ATP9A: variants seen among roughly 807,000 people sequenced by gnomAD.
ATP9A encodes the protein probable phospholipid-transporting ATPase IIA.
A neutral mutation model predicts 144.1 loss-of-function variants in ATP9A; 52 were observed. The ratio of observed to expected loss-of-function variants is 0.36; its 90% CI spans 0.29 to 0.45. ATP9A has a LOEUF of 0.45. Ranked by LOEUF, ATP9A falls within the 20% of genes least tolerant of loss-of-function variation. The pLI, the probability that ATP9A is intolerant of heterozygous loss-of-function variation, is 1.00. For synonymous variants in ATP9A, 582 were observed against 557.4 expected (o/e 1.04, Z -0.62); for missense variants, 947 against 1,392.7 (o/e 0.68, Z 5.09).
chr20:51,614,892 G>A (rs1188680486), intron 22 of ATP9A, among the ~76,000 whole-genome samples: 13 of 152,078 alleles, frequency 8.5e-5, no homozygotes, highest in Admixed American at 7.2e-4. Flanking sequence ...TCAGAAACAT[G>A]AGGACATGCT....
At chr20:51,690,293 G>A (rs1465492299) in intron 8 of ATP9A, among the ~76,000 whole-genome samples, 4 of 151,672 alleles carry the variant, frequency 2.6e-5, no homozygotes, top group South Asian at 2.1e-4. Context: ...AGTGGCGGGC[G>A]CCTGTAATCC....
chr20:51,697,098 A>G (rs2077573618), intron 5 of ATP9A, among the ~76,000 whole-genome samples: 1 of 152,236 alleles, frequency 6.6e-6, no homozygotes, highest in African/African-American at 2.4e-5. Flanking sequence ...CTATGTAGTA[A>G]GCAGACTTCT....
At chr20:51,679,116 G>A (rs1281454454) in intron 9 of ATP9A, among the ~76,000 whole-genome samples, 1 of 152,084 alleles carries the variant, frequency 6.6e-6, no homozygotes. Flanking sequence ...CTGAGGTCAG[G>A]AGTTTGAGAC....
intron 1 of ATP9A, among the ~76,000 whole-genome samples, chr20:51,730,523 TAC>T (rs1173465336): frequency 6.6e-6 from 1 of 152,212 alleles, no homozygotes; most frequent in Admixed American, 6.5e-5. Flanking sequence ...CCAAATTATT[TAC>T]AGTCTTGCAT....
chr20:51,650,166 T>C (rs773934536), intron 14 of ATP9A, among the ~76,000 whole-genome samples: 12 of 152,328 alleles, frequency 7.9e-5, no homozygotes, highest in Middle Eastern at 3.4e-3. Flanking sequence ...CCTGGCACAT[T>C]TGTAAAAACT....
chr20:51,665,010 G>A (rs111554304), intron 13 of ATP9A, among the ~76,000 whole-genome samples: 35,879 of 151,796 alleles, frequency 0.24, 5,010 homozygotes, highest in East Asian at 0.48. Flanking sequence ...GATTACAGGC[G>A]TGAGCCACCA....
At chr20:51,697,606 G>A in intron 4 of ATP9A, 124 bp from the exon 5 acceptor site, 1 of 792,006 alleles carries the variant, frequency 1.3e-6, no homozygotes, top group Non-Finnish European at 2.1e-6. Flanking sequence ...ACACACAGCT[G>A]CCAGTGACTC....
chr20:51,708,242 C>T (rs989598039), intron 4 of ATP9A, among the ~76,000 whole-genome samples: 3 of 148,852 alleles, frequency 2.0e-5, no homozygotes, highest in Admixed American at 6.7e-5. Flanking sequence ...CACTTGAGCT[C>T]GGGAGTTCAA....
At chr20:51,762,685 G>A (rs1165454334) in intron 1 of ATP9A, among the ~76,000 whole-genome samples, 1 of 146,876 alleles carries the variant, frequency 6.8e-6, no homozygotes, top group Non-Finnish European at 1.5e-5. Flanking sequence ...AAAGATTTAA[G>A]GTGATATATC....
At chr20:51,666,465 G>A (rs945807364) in intron 13 of ATP9A, among the ~76,000 whole-genome samples, 34 of 152,118 alleles carry the variant, frequency 2.2e-4, no homozygotes, top group African/African-American at 8.2e-4. Flanking sequence ...CAGATCACCT[G>A]AGGTCAGGAG....
chr20:51,766,853 A>C (rs563744161), intron 1 of ATP9A, among the ~76,000 whole-genome samples: 5 of 152,106 alleles, frequency 3.3e-5, no homozygotes, highest in South Asian at 4.2e-4. Flanking sequence ...AATAATAATA[A>C]TACTAATAAT....
At chr20:51,703,145 G>C (rs754295825) in intron 4 of ATP9A, among the ~76,000 whole-genome samples, 3 of 152,022 alleles carry the variant, frequency 2.0e-5, no homozygotes, top group African/African-American at 4.8e-5. Context: ...CTAACCACCT[G>C]ATCTTAATAC....
chr20:51,625,382 G>A lies in ATP9A; in HGVS notation c.1846-20C>T, dbSNP rs1354049137. 26 of 1,606,326 alleles carry A rather than the reference G, an allele frequency of 1.6e-5. No homozygotes were observed. The highest frequency in any genetic ancestry group is 2.1e-5 in the Non-Finnish European group (25 of 1,175,282). On this transcript the variant is annotated intron_variant, in intron 17 of 27. Coordinates refer to ENST00000338821, the MANE Select transcript of ATP9A (RefSeq NM_006045.3). ...GCGGGCCTGGGACACACCAGCAGAT[G>A]CAGTCACTGCTTAGGGTGAGGAGAG...
At chr20:51,746,486 G>T (rs934365407) in intron 1 of ATP9A, among the ~76,000 whole-genome samples, 1 of 151,456 alleles carries the variant, frequency 6.6e-6, no homozygotes, top group African/African-American at 2.4e-5. Context: ...ATCACCTGAG[G>T]TCAGGAGTTC....
intron 12 of ATP9A, 98 bp from the exon 13 acceptor site, chr20:51,670,207 G>T: frequency 1.1e-6 from 1 of 889,968 alleles, no homozygotes; most frequent in Non-Finnish European, 1.8e-6. Context: ...TTTGCCCTAT[G>T]TCACACACTG....
intron 22 of ATP9A, among the ~76,000 whole-genome samples, chr20:51,617,035 G>A (rs1170499076): frequency 2.7e-5 from 4 of 149,966 alleles, no homozygotes; most frequent in East Asian, 2.0e-4. Context: ...TCTGCCTCCC[G>A]GGTTCAGGCG....
chr20:51,643,631 T>G (rs534547766), intron 14 of ATP9A, among the ~76,000 whole-genome samples: 13 of 152,276 alleles, frequency 8.5e-5, no homozygotes, highest in African/African-American at 2.6e-4. Flanking sequence ...TCTGCCAGTA[T>G]GCTGACACAG....
At chr20:51,724,238 C>G (rs73269765) in intron 3 of ATP9A, among the ~76,000 whole-genome samples, 10,287 of 152,234 alleles carry the variant, frequency 0.068, 796 homozygotes, top group African/African-American at 0.19. Flanking sequence ...GCGTTCCCCC[C>G]CTGGGTCCCA....
intron 1 of ATP9A, among the ~76,000 whole-genome samples, chr20:51,747,470 A>G (rs2077813675): frequency 6.6e-6 from 1 of 152,204 alleles, no homozygotes; most frequent in African/African-American, 2.4e-5. Context: ...AAGTAGAGAC[A>G]TATACACTCC....
Sources: gnomAD v4.1 joint callset for allele counts (sites outside exome capture counted in the v4.1 genomes callset) on GRCh38, gnomAD v4.1.1 for gene constraint, MANE v1.5 for transcripts, NCBI Gene and HGNC (gene_info 2026-07-23, HGNC 2026-07-21) for gene names.